Variants in EYA2 observed in about 807,000 individuals in gnomAD.
EYA2 encodes the protein protein phosphatase EYA2.
A neutral mutation model predicts 69.2 loss-of-function variants in EYA2; 31 were observed. The ratio of observed to expected loss-of-function variants is 0.45; its 90% CI spans 0.34 to 0.60. The LOEUF (loss-of-function observed/expected upper bound fraction) is 0.60. EYA2 is among the 20% of genes least tolerant of loss of function. EYA2 has a pLI of 0.02. For synonymous variants in EYA2, 257 were observed against 279.4 expected (o/e 0.92, Z 0.80); for missense variants, 622 against 701.2 (o/e 0.89, Z 1.28).
intron 5 of EYA2, among the ~76,000 whole-genome samples, chr20:47,050,032 C>A (rs918026005): frequency 5.9e-5 from 9 of 152,286 alleles, no homozygotes; most frequent in African/African-American, 2.2e-4. Context: ...TGACGTTGCA[C>A]CCTCAGTGCA....
intron 1 of EYA2, among the ~76,000 whole-genome samples, chr20:46,955,989 A>G (rs1279137611): frequency 1.3e-5 from 2 of 152,242 alleles, no homozygotes; most frequent in African/African-American, 2.4e-5. Flanking sequence ...CTGTGTTCCA[A>G]TAAAACTTTA....
intron 9 of EYA2, among the ~76,000 whole-genome samples, chr20:47,121,159 A>G (rs566388053): frequency 6.6e-6 from 1 of 152,178 alleles, no homozygotes; most frequent in Non-Finnish European, 1.5e-5. Context: ...CAGTGGCACA[A>G]CCTCAGCTCA....
chr20:47,008,407 G>A (rs985730806), intron 4 of EYA2, among the ~76,000 whole-genome samples: 8 of 152,220 alleles, frequency 5.3e-5, no homozygotes, highest in African/African-American at 1.9e-4. Context: ...TGTGCATTCT[G>A]TAAATCCCGG....
At chr20:47,107,811 G>A (rs2032636070) in intron 9 of EYA2, among the ~76,000 whole-genome samples, 2 of 151,694 alleles carry the variant, frequency 1.3e-5, no homozygotes, top group African/African-American at 4.8e-5. Context: ...GGGAAGGGAA[G>A]GGGAAAGAAG....
intron 9 of EYA2, among the ~76,000 whole-genome samples, chr20:47,119,348 G>A (rs963333984): frequency 3.9e-5 from 6 of 152,148 alleles, no homozygotes; most frequent in African/African-American, 7.2e-5. Flanking sequence ...AGGCCCCTCC[G>A]ATGGCAGATG....
intron 5 of EYA2, among the ~76,000 whole-genome samples, chr20:47,032,894 A>G (rs1984497419): frequency 6.6e-6 from 1 of 152,248 alleles, no homozygotes; most frequent in Non-Finnish European, 1.5e-5. Flanking sequence ...CTGTTTTCAC[A>G]GAGAAGCCTG....
intron 12 of EYA2, among the ~76,000 whole-genome samples, chr20:47,174,301 A>G (rs983638297): frequency 2.0e-5 from 3 of 152,234 alleles, no homozygotes; most frequent in African/African-American, 4.8e-5. Context: ...CTTTCTAGCT[A>G]TGTGGCCTTA....
At chr20:46,933,930 C>T (rs1985786407) in intron 1 of EYA2, among the ~76,000 whole-genome samples, 1 of 152,220 alleles carries the variant, frequency 6.6e-6, no homozygotes, top group African/African-American at 2.4e-5. Context: ...AATGAATTTA[C>T]CCCACAGTAT....
intron 1 of EYA2, among the ~76,000 whole-genome samples, chr20:46,896,694 C>T (rs1442471591): frequency 6.6e-6 from 1 of 152,182 alleles, no homozygotes; most frequent in South Asian, 2.1e-4. Flanking sequence ...AAAAAATCTC[C>T]TTGCCTTCGT....
At chr20:46,996,604 C>A (rs1472872313) in intron 2 of EYA2, among the ~76,000 whole-genome samples, 1 of 152,172 alleles carries the variant, frequency 6.6e-6, no homozygotes, top group Non-Finnish European at 1.5e-5. Context: ...TGTTTGTCAT[C>A]CATCTCACTC....
At chr20:47,180,989 C>T in intron 14 of EYA2, 53 bp downstream of exon 14, 1 of 1,588,532 alleles carries the variant, frequency 6.3e-7, no homozygotes, top group South Asian at 1.2e-5. Context: ...GTGGGGTTAG[C>T]TTTCCATCCT....
chr20:47,064,399 GATC>G (rs1330985191), intron 5 of EYA2, among the ~76,000 whole-genome samples: 2 of 152,216 alleles, frequency 1.3e-5, no homozygotes, highest in East Asian at 3.8e-4. Flanking sequence ...TGGACACTTG[GATC>G]ATTTCCACCT....
intron 5 of EYA2, among the ~76,000 whole-genome samples, chr20:47,068,634 T>C (rs2031201768): frequency 6.6e-6 from 1 of 152,222 alleles, no homozygotes; most frequent in Non-Finnish European, 1.5e-5. Flanking sequence ...TCTGTTTTGT[T>C]TTTTGTTTCA....
At chr20:47,098,868 G>GAGT (rs1259517826) in intron 9 of EYA2, among the ~76,000 whole-genome samples, 3 of 152,216 alleles carry the variant, frequency 2.0e-5, no homozygotes, top group Non-Finnish European at 4.4e-5. Flanking sequence ...GGCTCTTCAT[G>GAGT]AGTAGCCTCC....
chr20:46,939,689 T>G (rs1568677113), intron 1 of EYA2, among the ~76,000 whole-genome samples: 1 of 152,222 alleles, frequency 6.6e-6, no homozygotes, highest in African/African-American at 2.4e-5. Context: ...GAAGCAGGAC[T>G]GATATTCTTA....
chr20:47,112,129 AGACCG>A (rs1329994920), intron 9 of EYA2, among the ~76,000 whole-genome samples: 2 of 152,190 alleles, frequency 1.3e-5, no homozygotes. Flanking sequence ...CAACAGAGCA[AGACCG>A]CTGTCTCAAG....
chr20:46,942,938 G>C, intron 1 of EYA2, among the ~76,000 whole-genome samples: 1 of 152,156 alleles, frequency 6.6e-6, no homozygotes, highest in Admixed American at 6.5e-5. Flanking sequence ...GCTAATTTTT[G>C]TATTTTTAGT....
At chr20:47,185,680 C>T (rs1173171670) in intron 15 of EYA2, among the ~76,000 whole-genome samples, 1 of 151,924 alleles carries the variant, frequency 6.6e-6, no homozygotes, top group Non-Finnish European at 1.5e-5. Context: ...AGGGCTTGGC[C>T]GGGATGAGGG....
chr20:47,002,333 A>G (rs1982433608), intron 3 of EYA2, among the ~76,000 whole-genome samples: 2 of 152,068 alleles, frequency 1.3e-5, no homozygotes, highest in Non-Finnish European at 1.5e-5. Flanking sequence ...TGCATTAGCT[A>G]TTCTTCCTGA....
Sources: allele counts gnomAD v4.1 joint callset (sites outside exome capture counted in the v4.1 genomes callset), GRCh38; gene constraint gnomAD v4.1.1; transcripts MANE v1.5; gene names NCBI Gene and HGNC (gene_info 2026-07-23, HGNC 2026-07-21).